Variants in CASS4 observed in about 807,000 individuals in gnomAD.
CASS4 encodes the protein Cas scaffold protein family member 4.
Under a neutral mutation model 54.2 loss-of-function variants are expected in CASS4, and 22 were observed. The observed-to-expected ratio is 0.41, with a 90% confidence interval of 0.29 to 0.58. CASS4 has a LOEUF of 0.58. Ranked by LOEUF, CASS4 falls within the 20% of genes least tolerant of loss-of-function variation. The probability of loss-of-function intolerance (pLI) is 0.36; values close to 1 mark genes in which losing one functional copy is unlikely to be tolerated. For missense variants in CASS4, 854 were observed against 986.7 expected (o/e 0.87, Z 1.80); for synonymous variants, 409 against 391.5 (o/e 1.04, Z -0.53).
At position 56,414,210 on chromosome 20, in the gene CASS4, T is replaced by C. The variant is rs1979021562; in HGVS notation, c.36+1716T>C. ...CATTCACATTTTCCAAAATTATCCTTTTTAGCTTTTCTGGCTGTTGTTGTT... is the reference window on the plus strand; with the variant it reads ...CATTCACATTTTCCAAAATTATCCTCTTTAGCTTTTCTGGCTGTTGTTGTT... On this transcript the variant is annotated intron_variant, in intron 1 of 5. Coordinates refer to ENST00000679887, the MANE Select transcript of CASS4 (RefSeq NM_020356.4). The surrounding 1 kb of genome is among the most constrained non-coding windows in gnomAD (Gnocchi z 4.1). Among the ~76,000 whole-genome samples the C allele has an allele frequency of 6.6e-6, 1 of 152,190 alleles. No individual in the cohort carries two copies. Among genetic ancestry groups the C allele is most frequent in the Admixed American group, 6.5e-5 (1 of 15,276 alleles).
chr20:56,456,705 G>A (rs1444460424), intron 5 of CASS4, among the ~76,000 whole-genome samples: 2 of 150,606 alleles, frequency 1.3e-5, no homozygotes, highest in African/African-American at 4.9e-5. Context: ...TTGAGACAGT[G>A]TTTTGCTCTG....
chr20:56,452,576 G>C lies in CASS4; in HGVS notation c.1400G>C (p.Arg467Thr). Reference protein sequence around the residue: ...GLMLFVSRKWRFRDYLEANID... With the variant: ...GLMLFVSRKWTFRDYLEANID... ...ATGCTCTTTGTCAGCAGGAAGTGGA[G>C]ATTCCGAGACTATCTGGAGGCCAAC... The change falls in exon 5 of 6, where the codon AGA (arginine) becomes ACA (threonine). Residue 467 changes from arginine (R) to threonine (T), a missense_variant. Coordinates refer to ENST00000679887, the MANE Select transcript of CASS4 (RefSeq NM_020356.4). The C allele has an allele frequency of 6.2e-7, 1 of 1,614,192 alleles. No homozygotes were observed. The highest frequency in any genetic ancestry group is 8.5e-7 in the Non-Finnish European group (1 of 1,180,040).
intron 1 of CASS4, among the ~76,000 whole-genome samples, chr20:56,413,523 A>G (rs1318486587): frequency 6.6e-6 from 1 of 152,028 alleles, no homozygotes; most frequent in East Asian, 1.9e-4. Flanking sequence ...AAATACAACA[A>G]TTAGCTGAGC....
intron 4 of CASS4, among the ~76,000 whole-genome samples, 188 bp downstream of exon 4, chr20:56,450,867 C>T (rs1436441215): frequency 6.6e-6 from 1 of 152,044 alleles, no homozygotes; most frequent in Non-Finnish European, 1.5e-5. Flanking sequence ...AACCCCATCT[C>T]TACTAAAAAT....
intron 2 of CASS4, 97 bp from the exon 3 acceptor site, chr20:56,445,803 C>T (rs1324792366): frequency 1.0e-6 from 1 of 954,516 alleles, no homozygotes; most frequent in Non-Finnish European, 1.6e-6. Context: ...GCAGTATCCA[C>T]CCAGCTGTCT....
At chr20:56,444,686 T>C (rs1415776028) in intron 2 of CASS4, among the ~76,000 whole-genome samples, 1 of 152,232 alleles carries the variant, frequency 6.6e-6, no homozygotes, top group Non-Finnish European at 1.5e-5. Context: ...GTACCCACCA[T>C]TGAGCCAACA....
At chr20:56,443,777 G>A (rs2038202294) in intron 2 of CASS4, among the ~76,000 whole-genome samples, 1 of 152,134 alleles carries the variant, frequency 6.6e-6, no homozygotes, top group Non-Finnish European at 1.5e-5. Context: ...ACCACGAAGC[G>A]GAGATAGAGG....
intron 1 of CASS4, among the ~76,000 whole-genome samples, chr20:56,435,808 T>A (rs1013491343): frequency 3.3e-5 from 5 of 152,172 alleles, no homozygotes; most frequent in Admixed American, 6.5e-5. Flanking sequence ...TGGAGTGCAG[T>A]GGCATGATCT....
chr20:56,443,387 T>C (rs930496271), intron 2 of CASS4, among the ~76,000 whole-genome samples: 22 of 147,878 alleles, frequency 1.5e-4, no homozygotes, highest in Non-Finnish European at 3.0e-4. Context: ...GAGAATCGCT[T>C]GAACCCGGGA....
In CASS4 at chr20:56,458,625, G is replaced by A. The variant is rs534377125; in HGVS notation, c.2239G>A (p.Val747Ile). 1.2e-5 allele frequency: 19 copies of A among 1,613,870 alleles called. No individual in the cohort carries two copies. Among genetic ancestry groups the A allele is most frequent in the Non-Finnish European group, 1.5e-5 (18 of 1,179,950 alleles). ...SSHLCSLLKD[V>I]ALATKNAVLT... is the part of the protein sequence containing the mutation. ...TCACCTCTGCAGCCTGCTCAAGGAC[G>A]TAGCGCTGGCCACTAAGAATGCCGT... is the stretch of plus-strand genomic sequence containing the variant. Residue 747 changes from valine to isoleucine, a missense_variant, in exon 6 of 6, where the codon GTA (valine) becomes ATA (isoleucine). Coordinates refer to ENST00000679887, the MANE Select transcript of CASS4 (RefSeq NM_020356.4).
intron 3 of CASS4, among the ~76,000 whole-genome samples, chr20:56,446,263 CT>C (rs995788090): frequency 6.6e-6 from 1 of 151,990 alleles, no homozygotes; most frequent in Admixed American, 6.6e-5. Flanking sequence ...ATTGTTTTTT[CT>C]TTTTCTTGTT....
chr20:56,449,433 G>A (rs1234117202), intron 3 of CASS4, among the ~76,000 whole-genome samples: 1 of 152,022 alleles, frequency 6.6e-6, no homozygotes, highest in African/African-American at 2.4e-5. Context: ...CACAGGGTGG[G>A]GAACATCACA....
chr20:56,447,972 C>T (rs955355474), intron 3 of CASS4, among the ~76,000 whole-genome samples: 5 of 152,234 alleles, frequency 3.3e-5, no homozygotes, highest in Admixed American at 3.3e-4. Flanking sequence ...GAAACCCCGT[C>T]TCTACTAAAA....
chr20:56,438,893 A>G (rs1980324346), intron 2 of CASS4, among the ~76,000 whole-genome samples: 1 of 152,236 alleles, frequency 6.6e-6, no homozygotes, highest in Non-Finnish European at 1.5e-5. Context: ...TCTAAAAAGG[A>G]ATTCTGTATG....
intron 2 of CASS4, among the ~76,000 whole-genome samples, chr20:56,438,751 G>A (rs1262265413): frequency 6.6e-6 from 1 of 152,182 alleles, no homozygotes; most frequent in East Asian, 1.9e-4. Flanking sequence ...CAGCTACTCG[G>A]GAGACTGAGG....
chr20:56,429,075 G>A (rs62209421), intron 1 of CASS4, among the ~76,000 whole-genome samples: 20,410 of 152,238 alleles, frequency 0.13, 1,530 homozygotes, highest in Middle Eastern at 0.17. Context: ...TGTCCACCCC[G>A]GCCTAGAGAG....
rs559300585 is a variant in CASS4 at position 56,446,702 on chromosome 20, C to T, written c.561+701C>T. ...ATTGGGATCAGTAGCTCCCAACTTT[C>T]GTTGTATGCAAAAGCATCTGAGAGC... On this transcript the variant is annotated intron_variant, in intron 3 of 5. Coordinates refer to ENST00000679887, the MANE Select transcript of CASS4 (RefSeq NM_020356.4). Among the ~76,000 whole-genome samples, 49 of 152,236 alleles carry T rather than the reference C, an allele frequency of 3.2e-4. 1 individual carries two copies. The highest frequency in any genetic ancestry group is 1.2e-3 in the Admixed American group (18 of 15,292).
Position 56,451,929 on chromosome 20 carries a change from A to C in CASS4, c.753A>C (p.Gly251=). The change falls in exon 5 of 6, where the codon GGA becomes GGC. Residue 251 remains glycine, a synonymous_variant. Transcript: ENST00000679887. ...EWIYDTPVSP[G]KASVRNTPLT... ...TTTATGACACTCCAGTGTCTCCAGGAAAGGCCAGCGTCAGAAACACGCCTC... is the reference window on the plus strand; with the variant it reads ...TTTATGACACTCCAGTGTCTCCAGGCAAGGCCAGCGTCAGAAACACGCCTC... The C allele has an allele frequency of 6.2e-7, 1 of 1,614,172 alleles. No individual in the cohort carries two copies. The highest frequency in any genetic ancestry group is 2.2e-5 in the East Asian group (1 of 44,888).
At chr20:56,450,739 G>T in intron 4 of CASS4, 60 bp downstream of exon 4, 1 of 1,536,918 alleles carries the variant, frequency 6.5e-7, no homozygotes, top group Non-Finnish European at 9.0e-7. Context: ...TCTCAGAAAT[G>T]TTATTAGCTT....
Sources: gnomAD v4.1 joint callset for allele counts (sites outside exome capture counted in the v4.1 genomes callset) on GRCh38, gnomAD v4.1.1 for gene constraint, Gnocchi (gnomAD v3.1) non-coding constraint, MANE v1.5 for transcripts, NCBI Gene and HGNC (gene_info 2026-07-23, HGNC 2026-07-21) for gene names.